The following WASF3 variants were observed in gnomAD, a reference collection of about 807,000 sequenced individuals.
WASF3 encodes the protein WASP family member 3, also known as actin-binding protein WASF3.
WASF3 carries 11 observed loss-of-function variants against 46.6 expected under a neutral mutation model. That is an observed-to-expected ratio of 0.24 (90% confidence interval 0.15 to 0.39). The LOEUF (loss-of-function observed/expected upper bound fraction) is 0.39, where lower values mean the gene tolerates loss of function less well. Among genes scored for constraint, WASF3 ranks in the 10% least tolerant of loss-of-function variants. WASF3 has a pLI of 1.00. For synonymous variants in WASF3, 242 were observed against 259.7 expected (o/e 0.93, Z 0.65); for missense variants, 576 against 669.8 (o/e 0.86, Z 1.55).
chr13:26,659,474 A>G (rs1020459094), intron 3 of WASF3, among the ~76,000 whole-genome samples: 2 of 152,158 alleles, frequency 1.3e-5, no homozygotes, highest in African/African-American at 2.4e-5. Flanking sequence ...TTGGCAAGGC[A>G]TGGAATGGAT....
chr13:26,554,095 C>CTTT (rs1555245924), upstream of WASF3, among the ~76,000 whole-genome samples: 2,716 of 89,004 alleles, frequency 0.031, 39 homozygotes, highest in Non-Finnish European at 0.038. Context: ...TTCCTTCCTT[C>CTTT]CTTCTTTCTT....
intron 1 of WASF3, among the ~76,000 whole-genome samples, chr13:26,571,798 A>G (rs1349102217): frequency 1.3e-5 from 2 of 152,354 alleles, no homozygotes; most frequent in East Asian, 3.9e-4. Flanking sequence ...CTTTATATTT[A>G]CAAATCAACT....
At chr13:26,599,504 C>T (rs1390469761) in intron 1 of WASF3, among the ~76,000 whole-genome samples, 1 of 152,186 alleles carries the variant, frequency 6.6e-6, no homozygotes. Context: ...GCACCTTGTG[C>T]ACTACCCATG....
the WASF3 span, among the ~76,000 whole-genome samples, chr13:26,546,849 G>A: frequency 6.6e-6 from 1 of 152,348 alleles, no homozygotes; most frequent in South Asian, 2.1e-4. Context: ...CAGGAGAGAA[G>A]CCCACATTGC....
chr13:26,611,437 A>ATCATT (rs1202705113), intron 1 of WASF3, among the ~76,000 whole-genome samples: 1 of 152,252 alleles, frequency 6.6e-6, no homozygotes, highest in Admixed American at 6.5e-5. Flanking sequence ...TCACAAAGGA[A>ATCATT]GAGTTAACAC....
chr13:26,627,785 T>TTA, intron 2 of WASF3, among the ~76,000 whole-genome samples: 1 of 151,612 alleles, frequency 6.6e-6, no homozygotes, highest in South Asian at 2.1e-4. Flanking sequence ...TACCTAATGC[T>TTA]AGATGACGAG....
Position 26,682,834 on chromosome 13 carries a change from C to G in WASF3, c.1211C>G (p.Pro404Arg). 1.2e-6 allele frequency: 2 copies of G among 1,610,990 alleles called. No individual in the cohort carries two copies. Among genetic ancestry groups the G allele is most frequent in the African/African-American group, 1.3e-5 (1 of 75,034 alleles). Residue 404 changes from proline to arginine, a missense_variant, in exon 9 of 10, where the codon CCG becomes CGG. Physicochemically the swap from Pro to Arg is moderately radical, Grantham distance 103 (BLOSUM62 -2). This residue lies in a region of WASF3 where 295 missense variants were observed against 291.5 expected (regional missense o/e 1.01). Coordinates refer to ENST00000335327, the MANE Select transcript of WASF3 (RefSeq NM_006646.6). This position sits in a 1 kb window ranked among gnomAD's most constrained non-coding sequence, Gnocchi z 4.4. ...CCACCCCCGGGCCCACCACCTCCCCCGCCAGGCCCTCCTGGTCCCGGGTCT... is the reference window on the plus strand; with the variant it reads ...CCACCCCCGGGCCCACCACCTCCCCGGCCAGGCCCTCCTGGTCCCGGGTCT... ...APPPPGPPPP[P>R]PGPPGPGSSL...
At chr13:26,598,917 C>T (rs1880558833) in intron 1 of WASF3, among the ~76,000 whole-genome samples, 1 of 152,174 alleles carries the variant, frequency 6.6e-6, no homozygotes. Context: ...GTTGCCCAGA[C>T]TGGAGTGCAC....
At chr13:26,611,702 C>T (rs1350551918) in intron 1 of WASF3, among the ~76,000 whole-genome samples, 1 of 152,150 alleles carries the variant, frequency 6.6e-6, no homozygotes, top group Non-Finnish European at 1.5e-5. Flanking sequence ...AAAAAGCTCA[C>T]TTTTCTCTTT....
intron 3 of WASF3, among the ~76,000 whole-genome samples, chr13:26,662,088 C>T (rs1055052742): frequency 1.3e-5 from 2 of 152,052 alleles, no homozygotes; most frequent in Non-Finnish European, 2.9e-5. Context: ...GAGCACCAGG[C>T]AAGGGCAGAA....
intron 2 of WASF3, among the ~76,000 whole-genome samples, chr13:26,633,246 A>G: frequency 9.8e-6 from 1 of 102,352 alleles, no homozygotes; most frequent in Admixed American, 1.4e-4. Context: ...CTTGTTGCCC[A>G]GGCTGGAGTG....
Position 26,626,670 on chromosome 13 carries a change from T to C in WASF3, c.-11+13612T>C, listed in dbSNP as rs543297293. ...CTTTAAATACATAGAAACAGAAAGG[T>C]TAAAATTAGAAGGAAAAACTTGTAA... On this transcript the variant is annotated intron_variant, in intron 2 of 9. Coordinates refer to ENST00000335327, the MANE Select transcript of WASF3 (RefSeq NM_006646.6). Among the ~76,000 whole-genome samples, 3 of 152,146 alleles carry C rather than the reference T, an allele frequency of 2.0e-5. No homozygotes were observed. The South Asian group carries it at 6.2e-4, about 32-fold the overall frequency.
At chr13:26,572,302 G>A (rs1879662260) in intron 1 of WASF3, among the ~76,000 whole-genome samples, 1 of 152,098 alleles carries the variant, frequency 6.6e-6, no homozygotes, top group Non-Finnish European at 1.5e-5. Context: ...TGCCCTTTAG[G>A]ATGTTGGCAC....
chr13:26,575,999 G>T (rs1879785777), intron 1 of WASF3, among the ~76,000 whole-genome samples: 1 of 152,010 alleles, frequency 6.6e-6, no homozygotes, highest in Admixed American at 6.5e-5. Flanking sequence ...AGTTTTTTTA[G>T]AGTATTATTT....
intron 3 of WASF3, among the ~76,000 whole-genome samples, chr13:26,652,229 A>G (rs1260894830): frequency 6.6e-6 from 1 of 152,246 alleles, no homozygotes; most frequent in Non-Finnish European, 1.5e-5. Flanking sequence ...ACAAGTTATA[A>G]GAAAGCTGGT....
intron 9 of WASF3, 142 bp downstream of exon 9, chr13:26,683,116 T>G: frequency 8.2e-7 from 1 of 1,224,044 alleles, no homozygotes; most frequent in South Asian, 1.6e-5. Flanking sequence ...CTTGATTTTT[T>G]TGTTTTGTTT....
At chr13:26,633,903 C>T (rs569339432) in intron 2 of WASF3, among the ~76,000 whole-genome samples, 1 of 152,322 alleles carries the variant, frequency 6.6e-6, no homozygotes, top group South Asian at 2.1e-4. Context: ...GAGTGCTTTA[C>T]TTCCAATTAT....
intron 1 of WASF3, among the ~76,000 whole-genome samples, chr13:26,568,383 C>G (rs575480440): frequency 1.9e-4 from 29 of 152,202 alleles, no homozygotes; most frequent in African/African-American, 7.0e-4. Context: ...AGAAAGAGAT[C>G]ACTGTAATGC....
intron 5 of WASF3, among the ~76,000 whole-genome samples, chr13:26,669,926 A>G (rs1252143442): frequency 2.6e-5 from 4 of 152,232 alleles, no homozygotes; most frequent in Non-Finnish European, 5.9e-5. Flanking sequence ...AATAAGTTCA[A>G]CCATTTTGGA....
Sources: allele counts gnomAD v4.1 joint callset (sites outside exome capture counted in the v4.1 genomes callset), GRCh38; gene constraint gnomAD v4.1.1; regional missense constraint gnomAD v4.1.1; non-coding constraint Gnocchi (gnomAD v3.1); transcripts MANE v1.5; gene names NCBI Gene and HGNC (gene_info 2026-07-23, HGNC 2026-07-21).